EPRS1: variants seen among roughly 807,000 people sequenced by gnomAD.
EPRS1 encodes bifunctional glutamate/proline--tRNA ligase.
A neutral mutation model predicts 188.3 loss-of-function variants in EPRS1; 107 were observed. The observed-to-expected ratio is 0.57, with a 90% confidence interval of 0.49 to 0.67. EPRS1 has a LOEUF of 0.67. Ranked by LOEUF, EPRS1 falls within the 30% of genes least tolerant of loss-of-function variation. The pLI is 0.00. For missense variants in EPRS1, 1,577 were observed against 1,802.2 expected, an observed-to-expected ratio of 0.88 and a Z score of 2.26; for synonymous variants, 596 against 593.1, an observed-to-expected ratio of 1.00 and a Z score of -0.07.
chr1:219,986,444 A>G (rs919186172), intron 20 of EPRS1, among the ~76,000 whole-genome samples: 117 of 152,282 alleles, frequency 7.7e-4, no homozygotes, highest in African/African-American at 2.6e-3. Flanking sequence ...CTGCGATGCC[A>G]ATATCAAGTG....
At chr1:220,039,785 C>G (rs189652098) in intron 2 of EPRS1, among the ~76,000 whole-genome samples, 3 of 152,048 alleles carry the variant, frequency 2.0e-5, no homozygotes, top group Non-Finnish European at 4.4e-5. Flanking sequence ...CCCAAAGTGC[C>G]GGGATTACAG....
chr1:219,991,150 C>T (rs1186446638), intron 18 of EPRS1, among the ~76,000 whole-genome samples: 1 of 145,672 alleles, frequency 6.9e-6, no homozygotes, highest in Non-Finnish European at 1.5e-5. Flanking sequence ...TGATTACATT[C>T]AGAATGAGTA....
chr1:220,041,499 G>T (rs932482146), intron 1 of EPRS1, among the ~76,000 whole-genome samples: 3 of 152,120 alleles, frequency 2.0e-5, no homozygotes, highest in Admixed American at 6.6e-5. Context: ...GTGTAAAATG[G>T]CCTCTTGACA....
rs754737139 is a variant in EPRS1 at position 220,020,041 on chromosome 1, C to T, written c.1296G>A (p.Val432=). The T allele has an allele frequency of 1.1e-5, 17 of 1,613,954 alleles. No homozygotes were observed. The Admixed American group carries it at 2.8e-4, about 27-fold the overall frequency. Reference sequence around the variant, plus strand: ...ACCATGTGAGTTTTCTTTTGGATAGCACTGTGTTGTTGAGATTTAGCCGAC... The same window carrying T: ...ACCATGTGAGTTTTCTTTTGGATAGTACTGTGTTGTTGAGATTTAGCCGAC... ...EYSRLNLNNT[V]LSKRKLTWFV... is the part of the protein sequence containing the mutation. Residue 432 remains valine, a synonymous_variant, in exon 10 of 32, where the codon GTG becomes GTA. Transcript: ENST00000366923.
Position 220,020,309 on chromosome 1 carries a change from G to A in EPRS1, c.1116-88C>T, listed in dbSNP as rs2102589311. The A allele has an allele frequency of 3.6e-6, 3 of 824,450 alleles. No individual in the cohort carries two copies. The Admixed American group carries it at 8.3e-5, about 23-fold the overall frequency. The allele number at this position is 824,450 out of a possible 1,614,324, so 51.1% of individuals were successfully genotyped here. The stretch of plus-strand genomic sequence containing the variant: ...ATAAACAACAATACTAATTTAAAAT[G>A]TAATTCTTTACAAGTTAAGAGATTC... On this transcript the variant is annotated intron_variant, in intron 9 of 31. Transcript: ENST00000366923.
intron 28 of EPRS1, among the ~76,000 whole-genome samples, chr1:219,974,793 T>C (rs1438591269): frequency 6.6e-6 from 1 of 152,212 alleles, no homozygotes; most frequent in Non-Finnish European, 1.5e-5. Context: ...TAAGATACAG[T>C]GCTAAGTGCA....
At chr1:219,987,032 G>T (rs1187525310) in intron 20 of EPRS1, 110 bp downstream of exon 20, 5 of 1,138,836 alleles carry the variant, frequency 4.4e-6, no homozygotes, top group African/African-American at 3.1e-5. Flanking sequence ...TAGCTTTAGC[G>T]TTCTCTAACT....
intron 16 of EPRS1, among the ~76,000 whole-genome samples, chr1:220,002,580 G>A (rs986050353): frequency 1.3e-5 from 2 of 151,922 alleles, no homozygotes; most frequent in African/African-American, 4.8e-5. Flanking sequence ...ATATTTAAGG[G>A]TGGGTATGGT....
Position 219,985,001 on chromosome 1 carries a change from G to A in EPRS1, c.3039-744C>T, listed in dbSNP as rs935593684. Among the ~76,000 whole-genome samples the A allele has an allele frequency of 1.7e-4, 25 of 149,216 alleles. No homozygotes were observed. In the East Asian group the frequency reaches 3.2e-3, roughly 19 times the overall value. On this transcript the variant is annotated intron_variant, in intron 20 of 31. Transcript: ENST00000366923. ...AAAGGCTGCAGTGAGCCGAGATTGC[G>A]CCATTGCACTCCAGCCTGGGCAACA... is the stretch of plus-strand genomic sequence containing the variant.
chr1:220,018,375 C>T (rs747653660), intron 12 of EPRS1, 74 bp downstream of exon 12: 2 of 1,187,196 alleles, frequency 1.7e-6, no homozygotes, highest in Non-Finnish European at 2.5e-6. Flanking sequence ...ACCATGAGCA[C>T]AGTAATGACT....
Position 219,979,429 on chromosome 1 carries a change from C to T in EPRS1, c.3898G>A (p.Ala1300Thr), listed in dbSNP as rs1343055193. The T allele has an allele frequency of 3.1e-6, 5 of 1,612,150 alleles. No homozygotes were observed. The East Asian group carries it at 1.1e-4, about 36-fold the overall frequency. Reference protein sequence around the residue: ...NMGLVLPPRVACVQVVIIPCG... With the variant: ...NMGLVLPPRVTCVQVVIIPCG... ...AATATTTTCCTTACCTGAACACATG[C>T]TACACGGGGTGGTAATACTAAACCC... The change falls in exon 27 of 32, where the codon GCA becomes ACA. Residue 1300 changes from alanine to threonine, a missense_variant. Physicochemically the swap from Ala to Thr is moderately conservative, Grantham distance 58. Coordinates refer to ENST00000366923, the MANE Select transcript of EPRS1 (RefSeq NM_004446.3).
intron 27 of EPRS1, among the ~76,000 whole-genome samples, chr1:219,978,964 A>ATAT (rs200218394): frequency 5.9e-4 from 74 of 126,018 alleles, no homozygotes; most frequent in African/African-American, 1.5e-3. Context: ...ATATATATAT[A>ATAT]TTTTTTTTTC....
chr1:220,029,304 G>A (rs760530445), intron 6 of EPRS1, among the ~76,000 whole-genome samples: 22 of 152,186 alleles, frequency 1.4e-4, no homozygotes, highest in Admixed American at 2.6e-4. Context: ...TAACGATCAA[G>A]TCTGTGAATT....
chr1:220,026,450 T>C (rs1393307826), intron 6 of EPRS1, among the ~76,000 whole-genome samples: 1 of 152,126 alleles, frequency 6.6e-6, no homozygotes, highest in Non-Finnish European at 1.5e-5. Context: ...AGCAAGGAAG[T>C]TTAATCAGCT....
intron 10 of EPRS1, 111 bp downstream of exon 10, chr1:220,019,877 C>T: frequency 1.4e-6 from 1 of 707,418 alleles, no homozygotes; most frequent in Non-Finnish European, 2.5e-6. Context: ...ATTCTATAGG[C>T]CTACCCATTC....
In EPRS1 at chr1:220,020,117, T is replaced by C; in HGVS notation, c.1220A>G (p.Tyr407Cys). The C allele has an allele frequency of 6.2e-7, 1 of 1,614,052 alleles. No homozygotes were observed. Among genetic ancestry groups the C allele is most frequent in the Non-Finnish European group, 8.5e-7 (1 of 1,179,924 alleles). The change falls in exon 10 of 32, where the codon TAC becomes TGC. Residue 407 changes from tyrosine to cysteine, a missense_variant. Physicochemically the swap from Tyr to Cys is radical, Grantham distance 194 (BLOSUM62 -2). Coordinates refer to ENST00000366923, the MANE Select transcript of EPRS1 (RefSeq NM_004446.3). ...TATGCCTAAAGCTTCAATAATCCAGTAAAACTGCTCATCTCTGTCATGGTA... is the reference window on the plus strand; with the variant it reads ...TATGCCTAAAGCTTCAATAATCCAGCAAAACTGCTCATCTCTGTCATGGTA... Reference protein sequence around the residue: ...TEYHDRDEQFYWIIEALGIRK... With the variant: ...TEYHDRDEQFCWIIEALGIRK...
chr1:220,023,950 G>T (rs1249200150), intron 8 of EPRS1, among the ~76,000 whole-genome samples: 1 of 152,142 alleles, frequency 6.6e-6, no homozygotes, highest in Admixed American at 6.6e-5. Context: ...TCAGGAATTC[G>T]AGACCAGCTT....
At chr1:220,019,349 A>G (rs557007967) in intron 10 of EPRS1, among the ~76,000 whole-genome samples, 1 of 152,314 alleles carries the variant, frequency 6.6e-6, no homozygotes, top group East Asian at 1.9e-4. Context: ...TGACATTTTC[A>G]AATATGGAAA....
chr1:220,017,278 G>C (rs1229593483), intron 12 of EPRS1, among the ~76,000 whole-genome samples: 2 of 152,154 alleles, frequency 1.3e-5, no homozygotes, highest in Admixed American at 1.3e-4. Context: ...GCTTTCTCCA[G>C]GGAGACTATG....
Sources: gnomAD v4.1 joint callset for allele counts (sites outside exome capture counted in the v4.1 genomes callset) on GRCh38, gnomAD v4.1.1 for gene constraint, MANE v1.5 for transcripts, NCBI Gene and HGNC (gene_info 2026-07-23, HGNC 2026-07-21) for gene names.